SLC6A4: variants seen among roughly 807,000 people sequenced by gnomAD.
SLC6A4 encodes sodium-dependent serotonin transporter.
In SLC6A4, 22 loss-of-function variants were observed where a neutral mutation model predicts 73.4. The ratio of observed to expected loss-of-function variants is 0.30; its 90% CI spans 0.21 to 0.43. The LOEUF (loss-of-function observed/expected upper bound fraction) is 0.43, where lower values mean the gene tolerates loss of function less well. Among genes scored for constraint, SLC6A4 ranks in the 20% least tolerant of loss-of-function variants. SLC6A4 has a pLI of 1.00. For missense variants in SLC6A4, 593 were observed against 808.5 expected, an observed-to-expected ratio of 0.73 and a Z score of 3.23; for synonymous variants, 270 against 315.5, an observed-to-expected ratio of 0.86 and a Z score of 1.53.
At position 30,217,183 on chromosome 17, in the gene SLC6A4, C is replaced by T. The variant is rs746585288; in HGVS notation, c.820G>A (p.Val274Ile). Reference protein sequence around the residue: ...TVIYFSIWKGVKTSGKVVWVT... With the variant: ...TVIYFSIWKGIKTSGKVVWVT... ...TTCCTCACCTTGCCAGAGGTCTTGA[C>T]GCCTTTCCAGATGCTGAAGTAGATA... Residue 274 changes from valine to isoleucine, a missense_variant, in exon 6 of 15, where the codon GTC (valine) becomes ATC (isoleucine). By Grantham distance (29) the Val-to-Ile change is conservative. Transcript: ENST00000650711. The T allele has an allele frequency of 1.5e-5, 24 of 1,613,734 alleles. No homozygotes were observed. Among genetic ancestry groups the T allele is most frequent in the South Asian group, 2.2e-5 (2 of 91,044 alleles).
chr17:30,219,951 T>C (rs1906693855), intron 3 of SLC6A4, among the ~76,000 whole-genome samples: 1 of 152,190 alleles, frequency 6.6e-6, no homozygotes, highest in Non-Finnish European at 1.5e-5. Context: ...AAGAGTTTGC[T>C]TGATCAGCTT....
intron 14 of SLC6A4, among the ~76,000 whole-genome samples, chr17:30,201,904 A>G (rs2143013279): frequency 6.6e-6 from 1 of 152,250 alleles, no homozygotes; most frequent in Admixed American, 6.5e-5. Flanking sequence ...GGAGTTTGAG[A>G]CCAGCCTGGG....
intron 4 of SLC6A4, 72 bp from the exon 5 acceptor site, chr17:30,218,409 G>T: frequency 8.2e-7 from 1 of 1,216,958 alleles, no homozygotes; most frequent in Non-Finnish European, 1.2e-6. Context: ...GCTGAAACGG[G>T]GCACTGGAGA....
At chr17:30,214,988 T>TTTCC (rs901442287) in intron 8 of SLC6A4, among the ~76,000 whole-genome samples, 47 of 131,870 alleles carry the variant, frequency 3.6e-4, no homozygotes, top group African/African-American at 1.1e-3. Context: ...TTTCTTTTTC[T>TTTCC]TTCCTTCCTT....
intron 1 of SLC6A4, among the ~76,000 whole-genome samples, chr17:30,234,193 A>G (rs1183136859): frequency 6.6e-6 from 1 of 151,982 alleles, no homozygotes; most frequent in Admixed American, 6.5e-5. Context: ...CACTCCTAGT[A>G]TATATATATT....
intron 8 of SLC6A4, among the ~76,000 whole-genome samples, chr17:30,213,292 A>AT (rs979386720): frequency 1.0e-4 from 14 of 134,058 alleles, no homozygotes; most frequent in East Asian, 4.2e-4. Context: ...AGATACCCTC[A>AT]TTTTTTTTTC....
chr17:30,221,338 G>A (rs1334131238), intron 3 of SLC6A4, among the ~76,000 whole-genome samples: 1 of 152,048 alleles, frequency 6.6e-6, no homozygotes, highest in Non-Finnish European at 1.5e-5. Flanking sequence ...TTACGCCAGT[G>A]AAGACTGAAA....
At position 30,194,710 on chromosome 17, in the gene SLC6A4, A is replaced by G. The variant is rs201937563; in HGVS notation, c.*3746T>C. The G allele has an allele frequency of 2.6e-5, 4 of 152,360 alleles. No individual in the cohort carries two copies. The East Asian group carries it at 5.8e-4, about 22-fold the overall frequency. 9.4% of individuals were successfully genotyped at this position (152,360 alleles called of 1,614,324 possible). Reference sequence around the variant, plus strand: ...GTAAATGCTCATATTTGTTTATGATATTTAAGCAAAAATATGGGACATCCT... The same window carrying G: ...GTAAATGCTCATATTTGTTTATGATGTTTAAGCAAAAATATGGGACATCCT... On this transcript the variant is annotated 3_prime_UTR_variant, in exon 15 of 15. Transcript: ENST00000650711.
In SLC6A4 at chr17:30,218,208, G is replaced by A; in HGVS notation, c.608C>T (p.Ser203Phe). Residue 203 changes from serine (S) to phenylalanine (F), a missense_variant, in exon 5 of 15, where the codon TCC becomes TTC. Physicochemically the swap from Ser to Phe is radical, Grantham distance 155. Coordinates refer to ENST00000650711, the MANE Select transcript of SLC6A4 (RefSeq NM_001045.6). ...DQLPWTSCKN[S>F]WNTGNCTNYF... ...ATTGGTGCAGTTGCCAGTGTTCCAG[G>A]AGTTCTTGCAGCTGGTCCAGGGCAG... 2 of 1,614,220 alleles carry A rather than the reference G, an allele frequency of 1.2e-6. No homozygotes were observed. The highest frequency in any genetic ancestry group is 1.7e-6 in the Non-Finnish European group (2 of 1,180,040).
chr17:30,204,124 G>A (rs1306659119), intron 13 of SLC6A4, among the ~76,000 whole-genome samples: 1 of 152,238 alleles, frequency 6.6e-6, no homozygotes, highest in African/African-American at 2.4e-5. Flanking sequence ...TCCACAGTGT[G>A]CTCCCAACAC....
intron 6 of SLC6A4, among the ~76,000 whole-genome samples, 188 bp from the exon 7 acceptor site, chr17:30,216,404 G>C (rs1906576871): frequency 6.6e-6 from 1 of 152,084 alleles, no homozygotes; most frequent in Non-Finnish European, 1.5e-5. Flanking sequence ...ACAACCCTTG[G>C]AGTCACACAG....
intron 1 of SLC6A4, among the ~76,000 whole-genome samples, chr17:30,227,943 A>G (rs2143016230): frequency 6.6e-6 from 1 of 152,362 alleles, no homozygotes; most frequent in South Asian, 2.1e-4. Flanking sequence ...TAAAATCTAG[A>G]GGATATGCCC....
At chr17:30,222,394 C>T (rs555239724) in intron 2 of SLC6A4, among the ~76,000 whole-genome samples, 17 of 152,306 alleles carry the variant, frequency 1.1e-4, no homozygotes, top group African/African-American at 3.6e-4. Context: ...AGCCACTGGA[C>T]TCTCATCTTG....
chr17:30,207,088 T>TGTAA (rs1906229921), intron 13 of SLC6A4, among the ~76,000 whole-genome samples: 2 of 152,110 alleles, frequency 1.3e-5, no homozygotes, highest in Middle Eastern at 3.4e-3. Flanking sequence ...GAAAAGTGAG[T>TGTAA]GTAAGTTGAG....
chr17:30,203,577 A>C, intron 13 of SLC6A4: 1 of 478,930 alleles, frequency 2.1e-6, no homozygotes, highest in Non-Finnish European at 3.8e-6. Context: ...CACTTCCTAT[A>C]GGGGGATGTT....
chr17:30,220,970 A>ATT (rs1906727939), intron 3 of SLC6A4, among the ~76,000 whole-genome samples: 1 of 126,716 alleles, frequency 7.9e-6, no homozygotes, highest in African/African-American at 3.2e-5. Context: ...TGGAGATTTG[A>ATT]CTTTTTTTTT....
rs1386165558 is a variant in SLC6A4 at position 30,200,595 on chromosome 17, A to G, written c.1819-2065T>C. Reference sequence around the variant, plus strand: ...CCAGGGCCCAAAAGGATTTTATATGAGGCTTCCCTCCCTCACACATAGAAA... The same window carrying G: ...CCAGGGCCCAAAAGGATTTTATATGGGGCTTCCCTCCCTCACACATAGAAA... On this transcript the variant is annotated intron_variant, in intron 14 of 14. Transcript: ENST00000650711. Among the ~76,000 whole-genome samples, 9 of 152,296 alleles carry G rather than the reference A, an allele frequency of 5.9e-5. No homozygotes were observed. In the South Asian group the frequency reaches 1.7e-3, roughly 28 times the overall value.
chr17:30,210,350 A>G (rs541850747), intron 11 of SLC6A4, among the ~76,000 whole-genome samples, 165 bp downstream of exon 11: 13 of 152,342 alleles, frequency 8.5e-5, no homozygotes, highest in African/African-American at 3.1e-4. Flanking sequence ...ACAAGAAACA[A>G]CTTTTCTTCT....
intron 13 of SLC6A4, 195 bp from the exon 14 acceptor site, chr17:30,203,534 C>T: frequency 1.7e-6 from 1 of 572,002 alleles, no homozygotes; most frequent in South Asian, 2.1e-5. Context: ...CTACACCAGC[C>T]AGGTGCTTTC....
Sources: allele counts gnomAD v4.1 joint callset (sites outside exome capture counted in the v4.1 genomes callset), GRCh38; gene constraint gnomAD v4.1.1; transcripts MANE v1.5; gene names NCBI Gene and HGNC (gene_info 2026-07-23, HGNC 2026-07-21).